The following PHF12 variants were observed in gnomAD, a reference collection of about 807,000 sequenced individuals.
PHF12 encodes the protein PHD finger protein 12.
PHF12 carries 6 observed loss-of-function variants against 99.8 expected under a neutral mutation model. That is an observed-to-expected ratio of 0.06 (90% CI 0.03 to 0.12). PHF12 has a LOEUF of 0.12. Among genes scored for constraint, PHF12 ranks in the 10% least tolerant of loss-of-function variants. The pLI is 1.00. For synonymous variants in PHF12, 480 were observed against 514.9 expected (o/e 0.93, Z 0.92); for missense variants, 954 against 1,300.1 (o/e 0.73, Z 4.09).
At chr17:28,909,833 C>T (rs1022189792) in intron 11 of PHF12, 3 of 551,288 alleles carry the variant, frequency 5.4e-6, no homozygotes, top group African/African-American at 3.8e-5. Context: ...TCAAGTGATC[C>T]TCCCGCCTCA....
chr17:28,931,823 C>T (rs968186800), intron 2 of PHF12, among the ~76,000 whole-genome samples: 1 of 152,070 alleles, frequency 6.6e-6, no homozygotes, highest in African/African-American at 2.4e-5. Flanking sequence ...CTCAAGTAAT[C>T]TGCCTACCTC....
chr17:28,907,521 CA>C, intron 13 of PHF12, 68 bp downstream of exon 13: 2 of 1,527,862 alleles, frequency 1.3e-6, no homozygotes, highest in South Asian at 2.3e-5. Flanking sequence ...GGGCACTGAA[CA>C]AAAACCTACT....
At chr17:28,948,975 G>A (rs966448349) in intron 2 of PHF12, among the ~76,000 whole-genome samples, 1 of 152,120 alleles carries the variant, frequency 6.6e-6, no homozygotes, top group Non-Finnish European at 1.5e-5. Flanking sequence ...GCCGGCAGAA[G>A]ATGGAGTTTA....
At chr17:28,923,668 A>G (rs895449284) in intron 4 of PHF12, among the ~76,000 whole-genome samples, 1 of 147,772 alleles carries the variant, frequency 6.8e-6, no homozygotes, top group Non-Finnish European at 1.5e-5. Flanking sequence ...AAAAAAAAAA[A>G]AAAAAAAGGA....
chr17:28,913,733 T>TC (rs2040010436), intron 8 of PHF12, 146 bp downstream of exon 8: 2 of 1,181,992 alleles, frequency 1.7e-6, no homozygotes, highest in Admixed American at 2.9e-5. Context: ...AGCCAGAAGT[T>TC]CCCCCTGGAA....
At chr17:28,916,257 C>A (rs542506939) in intron 7 of PHF12, among the ~76,000 whole-genome samples, 188 of 152,276 alleles carry the variant, frequency 1.2e-3, no homozygotes, top group South Asian at 2.3e-3. Flanking sequence ...TGCAATGGCG[C>A]GATCTCGGCT....
intron 2 of PHF12, among the ~76,000 whole-genome samples, chr17:28,943,404 T>C (rs951102740): frequency 2.6e-5 from 4 of 152,020 alleles, no homozygotes; most frequent in Non-Finnish European, 5.9e-5. Flanking sequence ...CTGAGGTGGG[T>C]GGATCACTTG....
chr17:28,929,033 T>A (rs962627357), intron 2 of PHF12, among the ~76,000 whole-genome samples: 3 of 149,582 alleles, frequency 2.0e-5, no homozygotes, highest in African/African-American at 7.4e-5. Flanking sequence ...GAAGTGGAGG[T>A]TGCAGTGAGC....
chr17:28,946,433 C>G (rs1045921485), intron 2 of PHF12, among the ~76,000 whole-genome samples: 5 of 152,086 alleles, frequency 3.3e-5, no homozygotes, highest in Non-Finnish European at 5.9e-5. Flanking sequence ...TGAGAAAAGA[C>G]AACAATTAAA....
intron 2 of PHF12, among the ~76,000 whole-genome samples, chr17:28,937,271 T>TGGC (rs1444160149): frequency 4.6e-5 from 7 of 152,238 alleles, no homozygotes; most frequent in Non-Finnish European, 1.0e-4. Context: ...TCAGCTTTTC[T>TGGC]CTTCAAGTAT....
At chr17:28,911,558 C>T (rs1352117425) in intron 9 of PHF12, among the ~76,000 whole-genome samples, 1 of 152,160 alleles carries the variant, frequency 6.6e-6, no homozygotes, top group Non-Finnish European at 1.5e-5. Context: ...ATAAGTAGTG[C>T]CTGCCCTTAT....
intron 2 of PHF12, chr17:28,944,470 T>C: frequency 1.0e-6 from 1 of 971,728 alleles, no homozygotes; most frequent in South Asian, 4.8e-5. Context: ...TTAAGAAGCA[T>C]GCATCTGAAC....
At chr17:28,923,661 A>C (rs1314379788) in intron 4 of PHF12, among the ~76,000 whole-genome samples, 1 of 138,466 alleles carries the variant, frequency 7.2e-6, no homozygotes, top group Admixed American at 7.2e-5. Flanking sequence ...CACAAAAAAA[A>C]AAAAAAAAAA....
chr17:28,913,789 A>G, intron 8 of PHF12, 90 bp downstream of exon 8: 1 of 1,512,406 alleles, frequency 6.6e-7, no homozygotes, highest in Middle Eastern at 2.5e-4. Flanking sequence ...GGGGACTGGA[A>G]TGAGAATGAC....
chr17:28,941,220 G>C (rs1234509303), intron 2 of PHF12, among the ~76,000 whole-genome samples: 2 of 151,964 alleles, frequency 1.3e-5, no homozygotes, highest in Admixed American at 1.3e-4. Flanking sequence ...GTTGGGGTTG[G>C]GACAAGAAAG....
chr17:28,950,261 A>C lies in PHF12; in HGVS notation c.67-15T>G. ...GCTTGGATTTGCTGCACACACATAC[A>C]AACGGCGTGTGTGCACACTCGGAGC... On this transcript the variant is annotated splice_polypyrimidine_tract_variant and intron_variant, in intron 1 of 14. Coordinates refer to ENST00000332830, the MANE Select transcript of PHF12 (RefSeq NM_001033561.2). The surrounding 1 kb of genome is among the most constrained non-coding windows in gnomAD (Gnocchi z 5.7). 1 of 1,600,580 alleles carries C rather than the reference A, an allele frequency of 6.2e-7. No individual in the cohort carries two copies. Among genetic ancestry groups the C allele is most frequent in the Non-Finnish European group, 8.5e-7 (1 of 1,177,030 alleles).
chr17:28,910,981 C>T, intron 10 of PHF12, 131 bp downstream of exon 10: 1 of 1,320,680 alleles, frequency 7.6e-7, no homozygotes, highest in East Asian at 2.4e-5. Context: ...GGATACTCCT[C>T]ATTCCCATCT....
chr17:28,923,240 T>C (rs2040197789), intron 4 of PHF12, among the ~76,000 whole-genome samples: 1 of 152,142 alleles, frequency 6.6e-6, no homozygotes, highest in African/African-American at 2.4e-5. Flanking sequence ...AGTGGTTACC[T>C]GTGAAGAGCA....
chr17:28,912,860 G>C lies in PHF12; in HGVS notation c.1711C>G (p.Pro571Ala). 6.2e-7 allele frequency: 1 copy of C among 1,610,684 alleles called. No homozygotes were observed. The highest frequency in any genetic ancestry group is 8.5e-7 in the Non-Finnish European group (1 of 1,177,582). ...DPRRLPGANT[P>A]LPGLSHRQGW... ...TGCCGGTGTGAGAGGCCTGGTAGTG[G>C]GGTGTTAGCGCCTGGAAGTCGCCGG... Residue 571 changes from proline to alanine, a missense_variant, in exon 9 of 15, where the codon CCA becomes GCA. By Grantham distance (27) the Pro-to-Ala change is conservative. Transcript: ENST00000332830.
Sources: gnomAD v4.1 joint callset for allele counts (sites outside exome capture counted in the v4.1 genomes callset) on GRCh38, gnomAD v4.1.1 for gene constraint, Gnocchi (gnomAD v3.1) non-coding constraint, MANE v1.5 for transcripts, NCBI Gene and HGNC (gene_info 2026-07-23, HGNC 2026-07-21) for gene names.